CACNA2D2: variants seen among roughly 807,000 people sequenced by gnomAD.
CACNA2D2 encodes voltage-dependent calcium channel subunit alpha-2/delta-2.
CACNA2D2 carries 48 observed loss-of-function variants against 166.4 expected under a neutral mutation model. That is an observed-to-expected ratio of 0.29 (90% CI 0.23 to 0.37). CACNA2D2 has a LOEUF of 0.37. Among genes scored for constraint, CACNA2D2 ranks in the 10% least tolerant of loss-of-function variants. CACNA2D2 has a pLI of 1.00. For synonymous variants in CACNA2D2, 561 were observed against 573.7 expected, an observed-to-expected ratio of 0.98 and a Z score of 0.32; for missense variants, 1,122 against 1,433.0, an observed-to-expected ratio of 0.78 and a Z score of 3.50.
At chr3:50,464,646 T>C (rs1300237783) in intron 2 of CACNA2D2, among the ~76,000 whole-genome samples, 1 of 152,218 alleles carries the variant, frequency 6.6e-6, no homozygotes, top group Non-Finnish European at 1.5e-5. Flanking sequence ...CCCTTCTTGA[T>C]GCAGAGGATG....
chr3:50,454,504 G>A (rs574417543), intron 2 of CACNA2D2, among the ~76,000 whole-genome samples: 21 of 152,320 alleles, frequency 1.4e-4, no homozygotes, highest in Admixed American at 9.8e-4. Flanking sequence ...CTCCAATCAG[G>A]GCCTGGGAAA....
In CACNA2D2 at chr3:50,503,245, G is replaced by A; in HGVS notation, c.179C>T (p.Ser60Phe). The change falls in exon 1 of 38, where the codon TCT becomes TTT. Residue 60 changes from serine to phenylalanine, a missense_variant. This residue lies in a region of CACNA2D2 where 840 missense variants were observed against 1,166.8 expected (regional missense o/e 0.72). Coordinates refer to ENST00000424201, the MANE Select transcript of CACNA2D2 (RefSeq NM_006030.4). ...GTGCTGCTGGGGGAAGCTGTAGGCA[G>A]AGGCGCCGGGGGCGGCGAGCAGCGG... ...LLPLLAAPGA[S>F]AYSFPQQHTM... 1 of 1,195,410 alleles carries A rather than the reference G, an allele frequency of 8.4e-7. No individual in the cohort carries two copies. The highest frequency in any genetic ancestry group is 1.0e-6 in the Non-Finnish European group (1 of 963,614). The allele number at this position is 1,195,410 out of a possible 1,614,324, so 74.1% of individuals were successfully genotyped here. A position where few individuals can be genotyped will look rare whatever the true frequency, so the allele number is the denominator to read the frequency against.
rs2109401236 is a variant in CACNA2D2 at position 50,365,791 on chromosome 3, C to T, written c.2915+19G>A. 5 of 1,613,466 alleles carry T rather than the reference C, an allele frequency of 3.1e-6. No homozygotes were observed. Among genetic ancestry groups the T allele is most frequent in the Middle Eastern group, 1.6e-4 (1 of 6,062 alleles). On this transcript the variant is annotated intron_variant, in intron 33 of 37. Transcript: ENST00000424201. This position sits in a 1 kb window ranked among gnomAD's most constrained non-coding sequence, Gnocchi z 4.5. ...GGCCAGGGAGCACCTTCTCTACCCA[C>T]CTCCCGCTCAGGACTCACCAGGCGG...
intron 2 of CACNA2D2, among the ~76,000 whole-genome samples, chr3:50,437,831 G>C (rs950048965): frequency 2.0e-5 from 3 of 152,202 alleles, no homozygotes; most frequent in African/African-American, 7.2e-5. Flanking sequence ...AGTGCAGAAA[G>C]GCCAGGGTGC....
chr3:50,493,360 A>T (rs1333398763), intron 1 of CACNA2D2, among the ~76,000 whole-genome samples: 1 of 152,242 alleles, frequency 6.6e-6, no homozygotes, highest in Non-Finnish European at 1.5e-5. Flanking sequence ...TGTGAGAGGA[A>T]GTCGGCTGGG....
intron 3 of CACNA2D2, among the ~76,000 whole-genome samples, chr3:50,407,665 G>A (rs1195830138): frequency 6.6e-6 from 1 of 152,226 alleles, no homozygotes; most frequent in African/African-American, 2.4e-5. Flanking sequence ...CTAACACGGG[G>A]CTTCTACTAG....
chr3:50,393,048 G>A (rs1462427555), intron 4 of CACNA2D2, among the ~76,000 whole-genome samples: 4 of 152,182 alleles, frequency 2.6e-5, no homozygotes, highest in Non-Finnish European at 5.9e-5. Flanking sequence ...GACTGGGGAG[G>A]AGGAACAGAT....
chr3:50,457,897 C>G (rs1428574574), intron 2 of CACNA2D2, among the ~76,000 whole-genome samples: 1 of 152,198 alleles, frequency 6.6e-6, no homozygotes, highest in Non-Finnish European at 1.5e-5. Flanking sequence ...AGTGGACAGA[C>G]TAATGAGGGT....
intron 2 of CACNA2D2, among the ~76,000 whole-genome samples, chr3:50,473,225 A>G (rs1710173009): frequency 6.6e-6 from 1 of 152,238 alleles, no homozygotes; most frequent in African/African-American, 2.4e-5. Flanking sequence ...CAAATGGGCC[A>G]GCCTGCACCC....
At chr3:50,399,645 C>T (rs1396235938) in intron 3 of CACNA2D2, among the ~76,000 whole-genome samples, 6 of 152,190 alleles carry the variant, frequency 3.9e-5, no homozygotes, top group Non-Finnish European at 8.8e-5. Flanking sequence ...TGCTCCCCTC[C>T]TTTCACAGCC....
At position 50,384,341 on chromosome 3, in the gene CACNA2D2, C is replaced by A; in HGVS notation, c.511-4G>T. The stretch of plus-strand genomic sequence containing the variant: ...CATCCTCACTCTCAGGGTCGTCCTG[C>A]AGAAAGGGCACCCCCGAGCAATGTC... On this transcript the variant is annotated splice_polypyrimidine_tract_variant and splice_region_variant and intron_variant, in intron 5 of 37. Transcript: ENST00000424201. 6.2e-7 allele frequency: 1 copy of A among 1,613,302 alleles called. No homozygotes were observed.
At chr3:50,480,327 G>A (rs577077432) in intron 1 of CACNA2D2, among the ~76,000 whole-genome samples, 7 of 152,146 alleles carry the variant, frequency 4.6e-5, no homozygotes, top group Non-Finnish European at 8.8e-5. Flanking sequence ...AATAATGACT[G>A]GCTGAATAGT....
At chr3:50,368,635 T>C in intron 23 of CACNA2D2, among the ~76,000 whole-genome samples, 1 of 152,210 alleles carries the variant, frequency 6.6e-6, no homozygotes, top group East Asian at 1.9e-4. Flanking sequence ...CACTGGCTTT[T>C]TGTCAGCCTA....
chr3:50,503,725 C>T (rs145824593), upstream of CACNA2D2: 5,187 of 152,178 alleles, frequency 0.034, 331 homozygotes, highest in African/African-American at 0.12. Flanking sequence ...TCTCTCTTCC[C>T]GGGCTGGCCC....
intron 3 of CACNA2D2, among the ~76,000 whole-genome samples, chr3:50,432,317 C>T (rs1480225334): frequency 6.6e-6 from 1 of 152,242 alleles, no homozygotes; most frequent in Non-Finnish European, 1.5e-5. Flanking sequence ...TTGTCTCTGC[C>T]ACCACTCAGC....
chr3:50,405,801 T>A (rs569091507), intron 3 of CACNA2D2, among the ~76,000 whole-genome samples: 1 of 152,308 alleles, frequency 6.6e-6, no homozygotes, highest in East Asian at 1.9e-4. Context: ...GGGACAGAGC[T>A]TGGACCTGTA....
intron 3 of CACNA2D2, among the ~76,000 whole-genome samples, chr3:50,394,886 C>T (rs1270235803): frequency 6.6e-6 from 1 of 152,256 alleles, no homozygotes. Flanking sequence ...GGCACAACCT[C>T]GCAGAACCAC....
At chr3:50,464,577 A>AG (rs1268862035) in intron 2 of CACNA2D2, among the ~76,000 whole-genome samples, 2 of 152,118 alleles carry the variant, frequency 1.3e-5, no homozygotes, top group Non-Finnish European at 2.9e-5. Flanking sequence ...CTGTGGTCTG[A>AG]GGGGGAGACA....
At chr3:50,377,965 G>A (rs759541895) in intron 15 of CACNA2D2, 43 bp downstream of exon 15, 13 of 1,590,690 alleles carry the variant, frequency 8.2e-6, no homozygotes, top group Non-Finnish European at 1.0e-5. Flanking sequence ...CATCTCCGGG[G>A]GAAGGGTGCC....
Sources: gnomAD v4.1 joint callset for allele counts (sites outside exome capture counted in the v4.1 genomes callset) on GRCh38, gnomAD v4.1.1 for gene constraint, gnomAD v4.1.1 regional missense constraint, Gnocchi (gnomAD v3.1) non-coding constraint, MANE v1.5 for transcripts, NCBI Gene and HGNC (gene_info 2026-07-23, HGNC 2026-07-21) for gene names.